Variants in ACOT11 observed in about 807,000 individuals in gnomAD.
ACOT11 encodes the protein acyl-coenzyme A thioesterase 11.
In ACOT11, 69 loss-of-function variants were observed where a neutral mutation model predicts 77.5. The observed-to-expected ratio is 0.89, with a 90% CI of 0.73 to 1.09. The LOEUF is 1.09. ACOT11 is among the 50% of genes least tolerant of loss of function. ACOT11 has a pLI of 0.00. For missense variants in ACOT11, 766 were observed against 813.7 expected, an observed-to-expected ratio of 0.94 and a Z score of 0.71; for synonymous variants, 279 against 313.0, an observed-to-expected ratio of 0.89 and a Z score of 1.15.
At chr1:54,601,093 ATG>A (rs1491021577) in intron 8 of ACOT11, among the ~76,000 whole-genome samples, 174 bp from the exon 9 acceptor site, 3 of 149,528 alleles carry the variant, frequency 2.0e-5, no homozygotes, top group Admixed American at 6.7e-5. Context: ...GTGTGCATAC[ATG>A]TGTGTGTATG....
chr1:54,603,251 G>A (rs1643985645), intron 10 of ACOT11, among the ~76,000 whole-genome samples: 2 of 152,240 alleles, frequency 1.3e-5, no homozygotes, highest in South Asian at 2.1e-4. Flanking sequence ...GGCTGAGGCT[G>A]AGGCAAGAGA....
At chr1:54,621,989 G>C (rs1056534368) in intron 15 of ACOT11, among the ~76,000 whole-genome samples, 2 of 152,162 alleles carry the variant, frequency 1.3e-5, no homozygotes, top group Admixed American at 1.3e-4. Flanking sequence ...AAAAGTTAAA[G>C]GGGGCCAGGC....
intron 15 of ACOT11, among the ~76,000 whole-genome samples, chr1:54,617,887 C>A (rs544592332): frequency 7.9e-5 from 12 of 151,532 alleles, no homozygotes; most frequent in African/African-American, 2.7e-4. Context: ...CCACCATGCA[C>A]GGCTAATTTT....
At chr1:54,565,352 TG>T (rs547603720) in intron 1 of ACOT11, among the ~76,000 whole-genome samples, 95 of 152,294 alleles carry the variant, frequency 6.2e-4, no homozygotes, top group African/African-American at 2.0e-3. Flanking sequence ...GTAGGAGTGC[TG>T]GGAGGCAACT....
At chr1:54,578,615 C>T (rs2100971609) in intron 1 of ACOT11, among the ~76,000 whole-genome samples, 1 of 152,300 alleles carries the variant, frequency 6.6e-6, no homozygotes, top group South Asian at 2.1e-4. Context: ...ACCAGGGCTT[C>T]AGATTTAGGA....
chr1:54,601,124 T>G, intron 8 of ACOT11, 145 bp from the exon 9 acceptor site: 1 of 778,606 alleles, frequency 1.3e-6, no homozygotes, highest in South Asian at 1.9e-5. Flanking sequence ...TACATGTGTG[T>G]GTATGTGTGT....
intron 2 of ACOT11, among the ~76,000 whole-genome samples, chr1:54,585,362 C>T (rs894234759): frequency 6.6e-6 from 1 of 152,112 alleles, no homozygotes; most frequent in African/African-American, 2.4e-5. Flanking sequence ...GGCCTGGGGG[C>T]AGGGAAGGGA....
At chr1:54,629,921 A>G (rs1032561670) in intron 15 of ACOT11, among the ~76,000 whole-genome samples, 1 of 132,704 alleles carries the variant, frequency 7.5e-6, no homozygotes, top group African/African-American at 2.6e-5. Context: ...TATGTTTGAG[A>G]CGGAGTCTTG....
chr1:54,635,232 A>C, exon 17 of ACOT11: 1 of 223,174 alleles, frequency 4.5e-6, no homozygotes, highest in South Asian at 5.8e-5. Flanking sequence ...AATCATTACT[A>C]ATTGGTCCCC....
intron 1 of ACOT11, among the ~76,000 whole-genome samples, chr1:54,579,591 T>C (rs1405001768): frequency 6.6e-6 from 1 of 152,158 alleles, no homozygotes; most frequent in Non-Finnish European, 1.5e-5. Context: ...GCATGGAATT[T>C]AGTCAGCTCC....
chr1:54,615,699 C>A (rs1644165814), intron 15 of ACOT11, among the ~76,000 whole-genome samples: 1 of 152,030 alleles, frequency 6.6e-6, no homozygotes, highest in Non-Finnish European at 1.5e-5. Context: ...AAGGGTGGGG[C>A]TGGGCTTTGA....
chr1:54,596,950 T>G (rs1470314085), intron 6 of ACOT11, among the ~76,000 whole-genome samples: 1 of 152,232 alleles, frequency 6.6e-6, no homozygotes, highest in Non-Finnish European at 1.5e-5. Flanking sequence ...CATGCCTGCC[T>G]TTACAGATGA....
intron 7 of ACOT11, chr1:54,597,626 C>A: frequency 1.6e-6 from 1 of 639,882 alleles, no homozygotes; most frequent in Non-Finnish European, 2.6e-6. Flanking sequence ...AACACCAGGT[C>A]TCTTGGCCTG....
At chr1:54,587,912 G>A (rs1654563477) in intron 3 of ACOT11, among the ~76,000 whole-genome samples, 1 of 151,568 alleles carries the variant, frequency 6.6e-6, no homozygotes, top group African/African-American at 2.4e-5. Context: ...TAAAAACATT[G>A]TATCTCTAAA....
chr1:54,577,601 T>C (rs11810257), intron 1 of ACOT11, among the ~76,000 whole-genome samples: 5,430 of 152,332 alleles, frequency 0.036, 319 homozygotes, highest in African/African-American at 0.12. Context: ...TACCTTTTGC[T>C]TGCTGTGAAT....
intron 1 of ACOT11, among the ~76,000 whole-genome samples, chr1:54,551,874 G>A (rs2100933812): frequency 6.6e-6 from 1 of 151,850 alleles, no homozygotes; most frequent in South Asian, 2.1e-4. Flanking sequence ...CTCAGCCTCC[G>A]GAGTAGCTGG....
At chr1:54,636,541 A>G (rs1443801343) in exon 17 of ACOT11, 2 of 152,186 alleles carry the variant, frequency 1.3e-5, no homozygotes, top group Admixed American at 1.3e-4. Context: ...TGTAAAGTAA[A>G]TCGGCTTTAC....
rs1569778606 is a variant in ACOT11 at position 54,610,166 on chromosome 1, C to T, written c.*1054C>T. The T allele has an allele frequency of 4.2e-6, 6 of 1,433,110 alleles. No individual in the cohort carries two copies. The East Asian group carries it at 7.5e-5, about 18-fold the overall frequency. The allele number at this position is 1,433,110 out of a possible 1,614,324, so 88.8% of individuals were successfully genotyped here. A position where few individuals can be genotyped will look rare whatever the true frequency, so the allele number is the denominator to read the frequency against. ...TCTTGGCCTTTACCCATGACTCAGC[C>T]TGGGGGCTGGTGCCGGCCTTGCCTG... On this transcript the variant is annotated 3_prime_UTR_variant, in exon 16 of 16. Transcript: ENST00000343744.
chr1:54,587,623 ATG>A (rs1654553064), intron 3 of ACOT11, among the ~76,000 whole-genome samples: 1 of 111,928 alleles, frequency 8.9e-6, no homozygotes, highest in Non-Finnish European at 1.6e-5. Flanking sequence ...CAATGATGTG[ATG>A]ATCTTGGCTC....
Sources: allele counts gnomAD v4.1 joint callset (sites outside exome capture counted in the v4.1 genomes callset), GRCh38; gene constraint gnomAD v4.1.1; transcripts MANE v1.5; gene names NCBI Gene and HGNC (gene_info 2026-07-23, HGNC 2026-07-21).